Variants in NRXN1 observed in about 807,000 individuals in gnomAD.
The protein encoded by NRXN1 is neurexin 1, also known as neurexin-1.
In NRXN1, 39 loss-of-function variants were observed where a neutral mutation model predicts 150.9. The ratio of observed to expected loss-of-function variants is 0.26; its 90% confidence interval spans 0.20 to 0.34. The LOEUF is 0.34. Among genes scored for constraint, NRXN1 ranks in the 10% least tolerant of loss-of-function variants. The pLI is 1.00. For missense variants in NRXN1, 1,815 were observed against 1,949.9 expected (o/e 0.93, Z 1.30); for synonymous variants, 924 against 757.0 (o/e 1.22, Z -3.62).
chr2:50,928,451 C>A (rs1186260628), intron 2 of NRXN1, among the ~76,000 whole-genome samples: 1 of 152,014 alleles, frequency 6.6e-6, no homozygotes, highest in African/African-American at 2.4e-5. Context: ...AAAATCCCTA[C>A]ATTATTTCAG....
intron 18 of NRXN1, among the ~76,000 whole-genome samples, chr2:50,219,704 T>C (rs1013115248): frequency 2.0e-5 from 3 of 150,176 alleles, no homozygotes; most frequent in Admixed American, 6.7e-5. Flanking sequence ...CTGGGCAACA[T>C]GGTGAGACCC....
intron 17 of NRXN1, among the ~76,000 whole-genome samples, chr2:50,427,552 CA>C (rs2084598642): frequency 6.6e-6 from 1 of 152,144 alleles, no homozygotes. Context: ...GAGACATCCA[CA>C]AAGTGTGTGG....
intron 5 of NRXN1, chr2:50,912,264 A>C (rs1684630686): frequency 6.6e-6 from 1 of 151,784 alleles, no homozygotes; most frequent in Non-Finnish European, 1.5e-5. Flanking sequence ...CTAGTGAATA[A>C]AATCCTCTGT....
intron 17 of NRXN1, among the ~76,000 whole-genome samples, chr2:50,252,886 C>A (rs1315067482): frequency 6.6e-6 from 1 of 152,124 alleles, no homozygotes; most frequent in Non-Finnish European, 1.5e-5. Flanking sequence ...ATTGTCTTAG[C>A]TATACAGATT....
intron 5 of NRXN1, among the ~76,000 whole-genome samples, chr2:50,689,486 C>A (rs1380212403): frequency 6.6e-6 from 1 of 152,126 alleles, no homozygotes; most frequent in African/African-American, 2.4e-5. Flanking sequence ...CCTTTAAATT[C>A]TCTGTATAAA....
intron 18 of NRXN1, among the ~76,000 whole-genome samples, chr2:50,111,438 G>A (rs1439715963): frequency 2.0e-5 from 3 of 152,004 alleles, no homozygotes; most frequent in Non-Finnish European, 4.4e-5. Flanking sequence ...GGTCAGGAGT[G>A]AGACCGCCTG....
In NRXN1 at chr2:50,175,345, T is replaced by C. The variant is rs899385005; in HGVS notation, c.3546+61444A>G. 3 of 152,218 alleles carry C rather than the reference T, an allele frequency of 2.0e-5. No individual in the cohort carries two copies. The East Asian group carries it at 5.8e-4, about 29-fold the overall frequency. 9.4% of individuals were successfully genotyped at this position (152,218 alleles called of 1,614,324 possible). A position where few individuals can be genotyped will look rare whatever the true frequency, so the allele number is the denominator to read the frequency against. On this transcript the variant is annotated intron_variant, in intron 18 of 22. Coordinates refer to ENST00000401669, the MANE Select transcript of NRXN1 (RefSeq NM_001330078.2). The stretch of plus-strand genomic sequence containing the variant: ...AGGCCATTAACACAAAGATGCATTT[T>C]AAAGCTAACCAGTTCCAGCAGATTA...
At chr2:50,634,273 G>T (rs892268383) in intron 5 of NRXN1, among the ~76,000 whole-genome samples, 1 of 152,210 alleles carries the variant, frequency 6.6e-6, no homozygotes, top group African/African-American at 2.4e-5. Context: ...AGTGACAGCA[G>T]TGAGTCCAAC....
At chr2:50,686,261 T>A (rs1166024967) in intron 5 of NRXN1, among the ~76,000 whole-genome samples, 1 of 152,140 alleles carries the variant, frequency 6.6e-6, no homozygotes, top group Non-Finnish European at 1.5e-5. Flanking sequence ...TTTTTAAAAA[T>A]GAAGTTATTA....
chr2:50,997,327 T>C (rs1251644373), intron 2 of NRXN1, among the ~76,000 whole-genome samples: 1 of 151,822 alleles, frequency 6.6e-6, no homozygotes, highest in Non-Finnish European at 1.5e-5. Context: ...CCAGCTGCCA[T>C]TGCACTCCAG....
intron 21 of NRXN1, among the ~76,000 whole-genome samples, chr2:50,002,006 T>C (rs62134657): frequency 0.48 from 72,549 of 151,630 alleles, 17,928 homozygotes; most frequent in Middle Eastern, 0.62. Flanking sequence ...CTCTAAGAGT[T>C]GAGGGCCTCA....
chr2:50,186,023 A>T (rs551429651), intron 18 of NRXN1, among the ~76,000 whole-genome samples: 2 of 152,182 alleles, frequency 1.3e-5, no homozygotes, highest in East Asian at 3.9e-4. Flanking sequence ...TTAAATACTG[A>T]TTTATAAAAC....
In NRXN1 at chr2:50,181,557, C is replaced by T. The variant is rs538261935; in HGVS notation, c.3546+55232G>A. Reference sequence around the variant, plus strand: ...CCTTTGCCTCACTGGTAAAGCAATTCATTGCCTTGCCTTTCCAATAGGGGA... The same window carrying T: ...CCTTTGCCTCACTGGTAAAGCAATTTATTGCCTTGCCTTTCCAATAGGGGA... On this transcript the variant is annotated intron_variant, in intron 18 of 22. Transcript: ENST00000401669. Among the ~76,000 whole-genome samples, 97 of 152,166 alleles carry T rather than the reference C, an allele frequency of 6.4e-4. 1 individual carries two copies. The highest frequency in any genetic ancestry group is 1.1e-3 in the African/African-American group (47 of 41,530).
intron 16 of NRXN1, among the ~76,000 whole-genome samples, chr2:50,469,886 C>T (rs2089293875): frequency 6.6e-6 from 1 of 151,100 alleles, no homozygotes; most frequent in Admixed American, 6.6e-5. Context: ...TGTAACTAAT[C>T]ATCTTAACCA....
intron 17 of NRXN1, among the ~76,000 whole-genome samples, chr2:50,262,177 G>T (rs759510644): frequency 6.6e-6 from 1 of 152,000 alleles, no homozygotes; most frequent in Non-Finnish European, 1.5e-5. Context: ...TGCACAGAAT[G>T]TTTTCTGTAT....
chr2:50,898,842 T>A (rs929570493), intron 5 of NRXN1, among the ~76,000 whole-genome samples: 1 of 151,774 alleles, frequency 6.6e-6, no homozygotes, highest in Non-Finnish European at 1.5e-5. Context: ...ATAAAAGATT[T>A]CTATGGAAGC....
rs551122320 is a variant in NRXN1 at position 50,341,202 on chromosome 2, G to A, written c.3365-104232C>T. ...GTTCACTTAAATTATTTAGATCTCT[G>A]TTGTCACATCTGTAAAATGAAAGGA... is the stretch of plus-strand genomic sequence containing the variant. On this transcript the variant is annotated intron_variant, in intron 17 of 22. Transcript: ENST00000401669. Among the ~76,000 whole-genome samples, 26 of 152,166 alleles carry A rather than the reference G, an allele frequency of 1.7e-4. No individual in the cohort carries two copies. The South Asian group carries it at 3.7e-3, about 22-fold the overall frequency.
At chr2:50,676,616 C>A (rs192961652) in intron 5 of NRXN1, among the ~76,000 whole-genome samples, 48 of 152,248 alleles carry the variant, frequency 3.2e-4, no homozygotes, top group African/African-American at 1.1e-3. Flanking sequence ...CAGGCAGCAC[C>A]ATGCATATGC....
intron 18 of NRXN1, among the ~76,000 whole-genome samples, chr2:50,231,230 AG>A (rs66771300): frequency 0.57 from 86,230 of 151,360 alleles, 25,054 homozygotes; most frequent in African/African-American, 0.67. Context: ...TTTCTATTCA[AG>A]GAAAACCCTG....
Sources: allele counts gnomAD v4.1 joint callset (sites outside exome capture counted in the v4.1 genomes callset), GRCh38; gene constraint gnomAD v4.1.1; transcripts MANE v1.5; gene names NCBI Gene and HGNC (gene_info 2026-07-23, HGNC 2026-07-21).